The following ZNF793 variants were observed in gnomAD, a reference collection of about 807,000 sequenced individuals.
ZNF793 encodes zinc finger protein 793.
In ZNF793, 5 loss-of-function variants were observed where a neutral mutation model predicts 12.4. The observed-to-expected ratio is 0.40, with a 90% CI of 0.21 to 0.84. The LOEUF is 0.84. ZNF793 is among the 40% of genes least tolerant of loss of function. The probability of loss-of-function intolerance (pLI) is 0.35; values close to 1 mark genes in which losing one functional copy is unlikely to be tolerated. For synonymous variants in ZNF793, 162 were observed against 172.4 expected (o/e 0.94, Z 0.47); for missense variants, 456 against 495.0 (o/e 0.92, Z 0.75).
chr19:37,508,654 C>T (rs958641248), intron 2 of ZNF793, among the ~76,000 whole-genome samples: 20 of 152,128 alleles, frequency 1.3e-4, no homozygotes, highest in African/African-American at 4.6e-4. Flanking sequence ...TGCAGTGAAA[C>T]GAGATTGTAC....
chr19:37,523,757 A>G (rs1197412309), intron 5 of ZNF793, among the ~76,000 whole-genome samples: 2 of 152,180 alleles, frequency 1.3e-5, no homozygotes, highest in African/African-American at 4.8e-5. Flanking sequence ...GGAGGCTTTT[A>G]TATTCTGAAA....
At chr19:37,522,384 G>A (rs2042382869) in intron 3 of ZNF793, 148 bp from the exon 4 acceptor site, 1 of 152,166 alleles carries the variant, frequency 6.6e-6, no homozygotes, top group South Asian at 2.1e-4. Context: ...TTTTAGTAGA[G>A]ATGGGGTTTC....
At chr19:37,517,935 G>A (rs148188566) in intron 2 of ZNF793, among the ~76,000 whole-genome samples, 5 of 152,176 alleles carry the variant, frequency 3.3e-5, no homozygotes, top group East Asian at 1.9e-4. Flanking sequence ...TGAACACTTC[G>A]AAAATGAAAC....
intron 2 of ZNF793, among the ~76,000 whole-genome samples, chr19:37,512,945 TTTTAAC>T (rs1170959953): frequency 3.3e-5 from 5 of 152,202 alleles, no homozygotes; most frequent in African/African-American, 9.6e-5. Flanking sequence ...TTTTTACCTC[TTTTAAC>T]TTTGACATGT....
chr19:37,522,274 T>A (rs2042381980), intron 3 of ZNF793, among the ~76,000 whole-genome samples: 1 of 152,176 alleles, frequency 6.6e-6, no homozygotes, highest in Non-Finnish European at 1.5e-5. Context: ...CTTGGCTCAC[T>A]GCAACCTCTG....
chr19:37,528,404 A>G (rs893608067), intron 5 of ZNF793, among the ~76,000 whole-genome samples: 5 of 151,506 alleles, frequency 3.3e-5, no homozygotes, highest in Non-Finnish European at 7.4e-5. Context: ...CCCTTCCAAG[A>G]GGTTGAGCTG....
Position 37,508,266 on chromosome 19 carries a change from C to T in ZNF793, c.-413C>T, listed in dbSNP as rs1196067780. 6.6e-6 allele frequency: 1 copy of T among 152,142 alleles called. No homozygotes were observed. Among genetic ancestry groups the T allele is most frequent in the African/African-American group, 2.4e-5 (1 of 41,434 alleles). 9.4% of individuals were successfully genotyped at this position (152,142 alleles called of 1,614,324 possible). ...TTTTTTCCTAATGTTTCCTTTAAGG[C>T]TCTTTCTGGCAAAGGTAATGACATA... is the stretch of plus-strand genomic sequence containing the variant. On this transcript the variant is annotated splice_region_variant and 5_prime_UTR_variant, in exon 2 of 8. Coordinates refer to ENST00000627814, the MANE Select transcript of ZNF793 (RefSeq NM_001013659.3).
intron 2 of ZNF793, among the ~76,000 whole-genome samples, chr19:37,512,582 T>C (rs1196837995): frequency 2.2e-5 from 3 of 133,366 alleles, no homozygotes; most frequent in Non-Finnish European, 4.6e-5. Flanking sequence ...CACCCCATTC[T>C]GTAATTAAGA....
intron 4 of ZNF793, 35 bp from the exon 5 acceptor site, chr19:37,523,375 T>A: frequency 6.5e-7 from 1 of 1,543,952 alleles, no homozygotes; most frequent in Non-Finnish European, 9.0e-7. Flanking sequence ...CTCTGTTCTC[T>A]CTTTCTCCAT....
At chr19:37,530,762 CCCA>C (rs2147097689) in intron 5 of ZNF793, among the ~76,000 whole-genome samples, 1 of 152,148 alleles carries the variant, frequency 6.6e-6, no homozygotes, top group Non-Finnish European at 1.5e-5. Flanking sequence ...CTCTCTTTTC[CCCA>C]CAATTTATAT....
intron 5 of ZNF793, among the ~76,000 whole-genome samples, chr19:37,527,121 G>A (rs529702735): frequency 1.3e-5 from 2 of 152,220 alleles, no homozygotes; most frequent in East Asian, 1.9e-4. Context: ...CTAAGTTTTT[G>A]TCTTTTTGGT....
intron 2 of ZNF793, among the ~76,000 whole-genome samples, chr19:37,516,421 A>G (rs1395833735): frequency 6.6e-6 from 1 of 152,124 alleles, no homozygotes; most frequent in Non-Finnish European, 1.5e-5. Context: ...GGTGTGAGCC[A>G]CTGTGCCCGG....
chr19:37,532,324 G>T (rs755567009), intron 5 of ZNF793, 32 bp from the exon 6 acceptor site: 3 of 1,600,490 alleles, frequency 1.9e-6, no homozygotes, highest in Non-Finnish European at 2.6e-6. Context: ...ATTTTTTTTC[G>T]ACATGACTCA....
At chr19:37,530,217 G>A (rs2042447710) in intron 5 of ZNF793, among the ~76,000 whole-genome samples, 1 of 152,148 alleles carries the variant, frequency 6.6e-6, no homozygotes, top group Admixed American at 6.5e-5. Flanking sequence ...CTCAGTAGAT[G>A]GAATATACAA....
chr19:37,532,631 T>G, intron 6 of ZNF793, 149 bp downstream of exon 6: 1 of 751,924 alleles, frequency 1.3e-6, no homozygotes, highest in Non-Finnish European at 2.0e-6. Context: ...GCCAGCATGG[T>G]GAAACCCTGA....
intron 2 of ZNF793, among the ~76,000 whole-genome samples, chr19:37,514,553 C>T (rs1472204671): frequency 7.0e-6 from 1 of 143,498 alleles, no homozygotes; most frequent in Admixed American, 7.2e-5. Context: ...GAGACCCTGT[C>T]TCCAGTAGAT....
chr19:37,536,416 T>G, intron 7 of ZNF793: 1 of 399,602 alleles, frequency 2.5e-6, no homozygotes. Flanking sequence ...ACCCACATGC[T>G]GGATAGCAAG....
intron 2 of ZNF793, among the ~76,000 whole-genome samples, chr19:37,518,744 A>T (rs1246860085): frequency 1.3e-5 from 2 of 151,818 alleles, no homozygotes; most frequent in Non-Finnish European, 2.9e-5. Context: ...GGCTGCAGCA[A>T]GCCATGATCA....
intron 3 of ZNF793, among the ~76,000 whole-genome samples, chr19:37,521,597 C>T (rs971447920): frequency 6.6e-6 from 1 of 151,792 alleles, no homozygotes; most frequent in Middle Eastern, 3.2e-3. Context: ...GCACGCTTCA[C>T]CACGCCTGGC....
Sources: gnomAD v4.1 joint callset for allele counts (sites outside exome capture counted in the v4.1 genomes callset) on GRCh38, gnomAD v4.1.1 for gene constraint, MANE v1.5 for transcripts, NCBI Gene and HGNC (gene_info 2026-07-23, HGNC 2026-07-21) for gene names.